FBXO43: variants seen among roughly 807,000 people sequenced by gnomAD.
FBXO43 encodes F-box protein 43.
A neutral mutation model predicts 56.7 loss-of-function variants in FBXO43; 22 were observed. That is an observed-to-expected ratio of 0.39 (90% CI 0.28 to 0.55). FBXO43 has a LOEUF of 0.55. Ranked by LOEUF, FBXO43 falls within the 20% of genes least tolerant of loss-of-function variation. The pLI is 0.66. For synonymous variants in FBXO43, 306 were observed against 294.5 expected (o/e 1.04, Z -0.40); for missense variants, 733 against 814.9 (o/e 0.90, Z 1.22).
chr8:100,149,455 T>G (rs1171807789), upstream of FBXO43, among the ~76,000 whole-genome samples: 1 of 152,228 alleles, frequency 6.6e-6, no homozygotes, highest in African/African-American at 2.4e-5. Context: ...TTGTGCCTCT[T>G]GTATTAGATC....
chr8:100,133,821 C>T lies in FBXO43; in HGVS notation c.2108G>A (p.Arg703Gln), dbSNP rs202056051. 284 of 1,613,784 alleles carry T rather than the reference C, an allele frequency of 1.8e-4. 1 individual carries two copies. Among genetic ancestry groups the T allele is most frequent in the Admixed American group, 6.7e-5 (4 of 59,954 alleles). ...DALPGSAQSKRNLKRL is the reference protein window; with the variant it reads ...DALPGSAQSKQNLKRL ...GTCTCTTCAGAGGCGTTTTAAATTC[C>T]GCTTACTCTGGGCACTTCCTGGGAG... Residue 703 changes from arginine to glutamine, a missense_variant, in exon 5 of 5, where the codon CGG (arginine) becomes CAG (glutamine). Arg to Gln is a conservative substitution (Grantham distance 43). Transcript: ENST00000428847.
At chr8:100,139,405 C>T (rs528479411) in intron 2 of FBXO43, among the ~76,000 whole-genome samples, 1 of 152,076 alleles carries the variant, frequency 6.6e-6, no homozygotes, top group Non-Finnish European at 1.5e-5. Context: ...CCAGCCTGAG[C>T]AACACAGTGA....
intron 1 of FBXO43, 32 bp from the exon 2 acceptor site, chr8:100,142,200 TGA>T: frequency 6.6e-7 from 1 of 1,507,520 alleles, no homozygotes; most frequent in Non-Finnish European, 8.8e-7. Flanking sequence ...ATTCTGCCTT[TGA>T]AATGAGTATC....
rs1478348656 is a variant in FBXO43 at position 100,145,763 on chromosome 8, T to C, written c.-628A>G. 6.6e-6 allele frequency: 1 copy of C among 152,452 alleles called. No homozygotes were observed. Among genetic ancestry groups the C allele is most frequent in the African/African-American group, 2.4e-5 (1 of 41,470 alleles). 9.4% of individuals were successfully genotyped at this position (152,452 alleles called of 1,614,324 possible). A position where few individuals can be genotyped will look rare whatever the true frequency, so the allele number is the denominator to read the frequency against. On this transcript the variant is annotated 5_prime_UTR_variant, in exon 1 of 5. Coordinates refer to ENST00000428847, the MANE Select transcript of FBXO43 (RefSeq NM_001029860.4). The stretch of plus-strand genomic sequence containing the variant: ...GCCTCGCCCCCTGGGATGCGGGCTA[T>C]GGCAACCCCCACGCCAGCTTCGCGT...
intron 3 of FBXO43, among the ~76,000 whole-genome samples, chr8:100,135,550 A>G (rs972674180): frequency 8.5e-5 from 13 of 152,300 alleles, no homozygotes; most frequent in East Asian, 1.9e-4. Flanking sequence ...AGGGGGGAAA[A>G]GTACAGTTCT....
At position 100,140,823 on chromosome 8, in the gene FBXO43, T is replaced by A. The variant is rs772893190; in HGVS notation, c.1431A>T (p.Val477=). ...LEQGDGEKIA[V]LQCILAGLIG... ...TCAGTCCTGCAAGTATACACTGCAG[T>A]ACAGCTATTTTCTCCCCATCCCCTT... Residue 477 remains valine (V), a synonymous_variant, in exon 2 of 5, where the codon GTA becomes GTT. Coordinates refer to ENST00000428847, the MANE Select transcript of FBXO43 (RefSeq NM_001029860.4). 1.2e-6 allele frequency: 2 copies of A among 1,614,212 alleles called. No homozygotes were observed. Among genetic ancestry groups the A allele is most frequent in the South Asian group, 2.2e-5 (2 of 91,090 alleles).
chr8:100,142,096 G>C lies in FBXO43; in HGVS notation c.158C>G (p.Ser53Cys), dbSNP rs186181742. ...AGTEAGNGAD[S>C]PPIVNSKYST... is the part of the protein sequence containing the mutation. Reference sequence around the variant, plus strand: ...GTACTTGGAGTTGACAATTGGAGGAGAGTCCGCCCCATTTCCTGCTTCAGT... The same window carrying C: ...GTACTTGGAGTTGACAATTGGAGGACAGTCCGCCCCATTTCCTGCTTCAGT... The change falls in exon 2 of 5, where the codon TCT (serine) becomes TGT (cysteine). Residue 53 changes from serine to cysteine, a missense_variant. Physicochemically the swap from Ser to Cys is moderately radical, Grantham distance 112. Transcript: ENST00000428847. 1.7e-4 allele frequency: 269 copies of C among 1,611,874 alleles called. 1 individual carries two copies. The highest frequency in any genetic ancestry group is 3.4e-4 in the Admixed American group (20 of 59,482).
rs374529369 is a variant in FBXO43 at position 100,137,602 on chromosome 8, C to A, written c.1637G>T (p.Arg546Met). ...TTTCAGTTGTGTGATATAAAATTTC[C>A]TCCTCCGATTTGCATTTTTATCTTG... ...VVQDKNANRR[R>M]KFYITQLKTD... The change falls in exon 3 of 5, where the codon AGG becomes ATG. Residue 546 changes from arginine to methionine, a missense_variant. Physicochemically the swap from Arg to Met is moderately conservative, Grantham distance 91. Coordinates refer to ENST00000428847, the MANE Select transcript of FBXO43 (RefSeq NM_001029860.4). The A allele has an allele frequency of 6.8e-6, 11 of 1,612,604 alleles. No individual in the cohort carries two copies. Among genetic ancestry groups the A allele is most frequent in the Admixed American group, 1.7e-5 (1 of 59,610 alleles).
intron 3 of FBXO43, 93 bp from the exon 4 acceptor site, chr8:100,134,457 G>GT: frequency 7.3e-6 from 8 of 1,093,904 alleles, no homozygotes; most frequent in South Asian, 1.5e-5. Context: ...CTTTGAAGAG[G>GT]TTTTTTGCCA....
Position 100,141,132 on chromosome 8 carries a change from CT to C in FBXO43, c.1121del (p.Lys374ArgfsTer49). On this transcript the variant is annotated frameshift_variant, in exon 2 of 5. Coordinates refer to ENST00000428847, the MANE Select transcript of FBXO43 (RefSeq NM_001029860.4). LOFTEE classifies it high-confidence loss of function. The part of the protein sequence containing the change: ...GTPKVGDTIR[K>X]TRHLGRSRRL... ...TTCTCGACCTTCCAAGATGTCTTGTCTTTCTTATGGTGTCCCCAACTTTGGG... is the reference window on the plus strand; with the variant it reads ...TTCTCGACCTTCCAAGATGTCTTGTCTTCTTATGGTGTCCCCAACTTTGGG... The C allele has an allele frequency of 6.2e-7, 1 of 1,614,176 alleles. No individual in the cohort carries two copies. Among genetic ancestry groups the C allele is most frequent in the South Asian group, 1.1e-5 (1 of 91,086 alleles).
chr8:100,139,534 AC>A (rs1310514365), intron 2 of FBXO43, among the ~76,000 whole-genome samples: 1 of 152,172 alleles, frequency 6.6e-6, no homozygotes, highest in Non-Finnish European at 1.5e-5. Flanking sequence ...CTCCTCCATA[AC>A]CATCATCTTG....
chr8:100,137,605 C>T lies in FBXO43; in HGVS notation c.1634G>A (p.Arg545Lys). The change falls in exon 3 of 5, where the codon AGG (arginine) becomes AAG (lysine). Residue 545 changes from arginine to lysine, a missense_variant. Coordinates refer to ENST00000428847, the MANE Select transcript of FBXO43 (RefSeq NM_001029860.4). ...IVVQDKNANR[R>K]RKFYITQLKT... The stretch of plus-strand genomic sequence containing the variant: ...CAGTTGTGTGATATAAAATTTCCTC[C>T]TCCGATTTGCATTTTTATCTTGAAC... 1 of 1,612,860 alleles carries T rather than the reference C, an allele frequency of 6.2e-7. No individual in the cohort carries two copies.
chr8:100,137,776 A>G, intron 2 of FBXO43, 109 bp from the exon 3 acceptor site: 1 of 714,646 alleles, frequency 1.4e-6, no homozygotes, highest in Non-Finnish European at 2.4e-6. Context: ...CGGGCAGTAA[A>G]TTTAAACCTA....
intron 1 of FBXO43, among the ~76,000 whole-genome samples, chr8:100,144,798 G>A (rs770429480): frequency 4.6e-5 from 7 of 151,726 alleles, no homozygotes; most frequent in Non-Finnish European, 1.0e-4. Flanking sequence ...CGGGCGTGGT[G>A]GCGGGCGCCT....
intron 3 of FBXO43, chr8:100,137,270 C>G (rs1586342347): frequency 4.9e-6 from 1 of 202,978 alleles, no homozygotes; most frequent in South Asian, 8.4e-5. Flanking sequence ...CCGTGTTCGC[C>G]AGGATGGTCT....
At position 100,141,357 on chromosome 8, in the gene FBXO43, A is replaced by G; in HGVS notation, c.897T>C (p.Phe299=). ...CCACAAGATTACTTATCGGAGTCAC[A>G]AATATGTCCTCATCTGTTCCACAAG... ...GTTCGTDEDI[F]VTPISNLVAN... Residue 299 remains phenylalanine (F), a synonymous_variant, in exon 2 of 5, where the codon TTT becomes TTC. Transcript: ENST00000428847. 1 of 1,613,542 alleles carries G rather than the reference A, an allele frequency of 6.2e-7. No individual in the cohort carries two copies. Among genetic ancestry groups the G allele is most frequent in the Non-Finnish European group, 8.5e-7 (1 of 1,180,020 alleles).
At chr8:100,134,090 A>G (rs747717228) in intron 4 of FBXO43, 40 bp from the exon 5 acceptor site, 1 of 1,607,234 alleles carries the variant, frequency 6.2e-7, no homozygotes, top group South Asian at 1.1e-5. Context: ...CTGGTTTCAT[A>G]TAGAGGAGCA....
In FBXO43 at chr8:100,137,550, T is replaced by A. The variant is rs1289392274; in HGVS notation, c.1674+15A>T. ...TTTATACAAATCCATTTTAGAGAAG[T>A]ATTACATACATTACCTCAGAATCTG... On this transcript the variant is annotated intron_variant, in intron 3 of 4. Coordinates refer to ENST00000428847, the MANE Select transcript of FBXO43 (RefSeq NM_001029860.4). The A allele has an allele frequency of 2.7e-6, 4 of 1,509,202 alleles. No homozygotes were observed. The highest frequency in any genetic ancestry group is 3.7e-6 in the Non-Finnish European group (4 of 1,088,590). 93.5% of individuals were successfully genotyped at this position (1,509,202 alleles called of 1,614,324 possible).
upstream of FBXO43, among the ~76,000 whole-genome samples, chr8:100,146,431 C>CCAGCCTGGGCGA (rs1814833113): frequency 1.3e-5 from 2 of 151,322 alleles, no homozygotes; most frequent in African/African-American, 4.9e-5. Context: ...ACCCCCATCT[C>CCAGCCTGGGCGA]AAAAAAAAGA....
Sources: allele counts gnomAD v4.1 joint callset (sites outside exome capture counted in the v4.1 genomes callset), GRCh38; gene constraint gnomAD v4.1.1; transcripts MANE v1.5; gene names NCBI Gene and HGNC (gene_info 2026-07-23, HGNC 2026-07-21).